Variants in NREP observed in about 807,000 individuals in gnomAD.
NREP encodes the protein neuronal regeneration-related protein.
A neutral mutation model predicts 8.6 loss-of-function variants in NREP; 5 were observed. The ratio of observed to expected loss-of-function variants is 0.58; its 90% CI spans 0.30 to 1.22. The LOEUF (loss-of-function observed/expected upper bound fraction) is 1.22, where lower values mean the gene tolerates loss of function less well. NREP is among the 50% of genes most tolerant of loss of function. The pLI is 0.07. For synonymous variants in NREP, 27 were observed against 28.0 expected (o/e 0.96, Z 0.11); for missense variants, 86 against 82.5 (o/e 1.04, Z -0.17).
At chr5:111,953,492 T>C (rs1324944277) in intron 2 of NREP, among the ~76,000 whole-genome samples, 1 of 152,164 alleles carries the variant, frequency 6.6e-6, no homozygotes, top group Non-Finnish European at 1.5e-5. Context: ...CAAAAACTTC[T>C]TTCCAACTTT....
At chr5:111,918,107 G>T (rs897860412) in intron 2 of NREP, among the ~76,000 whole-genome samples, 1 of 151,970 alleles carries the variant, frequency 6.6e-6, no homozygotes, top group Admixed American at 6.6e-5. Flanking sequence ...TGCCATTCAC[G>T]ATTGCTACAA....
chr5:111,785,519 C>G (rs1325486250), intron 2 of NREP, among the ~76,000 whole-genome samples: 1 of 152,146 alleles, frequency 6.6e-6, no homozygotes, highest in Non-Finnish European at 1.5e-5. Flanking sequence ...GCCTCATGAT[C>G]TGCCTGCCTC....
At chr5:111,942,085 A>G (rs1009776042) in intron 2 of NREP, among the ~76,000 whole-genome samples, 3 of 152,026 alleles carry the variant, frequency 2.0e-5, no homozygotes, top group African/African-American at 7.2e-5. Flanking sequence ...ATGAGACATC[A>G]TTTTATTACC....
At chr5:111,782,004 A>G (rs962287908) in intron 2 of NREP, among the ~76,000 whole-genome samples, 3 of 152,216 alleles carry the variant, frequency 2.0e-5, no homozygotes, top group Admixed American at 2.0e-4. Flanking sequence ...AATTATGTTT[A>G]TAATGATAAG....
intron 2 of NREP, among the ~76,000 whole-genome samples, chr5:111,824,228 G>T (rs1752571533): frequency 6.6e-6 from 1 of 152,154 alleles, no homozygotes; most frequent in Non-Finnish European, 1.5e-5. Flanking sequence ...AATTAGCCTG[G>T]CGTAGTGGTG....
intron 2 of NREP, among the ~76,000 whole-genome samples, chr5:111,845,865 A>G (rs551752738): frequency 6.3e-4 from 95 of 151,956 alleles, no homozygotes; most frequent in African/African-American, 2.1e-3. Flanking sequence ...ACCAAAAAAA[A>G]AAAAGAAAAG....
intron 2 of NREP, among the ~76,000 whole-genome samples, chr5:111,877,100 C>T (rs1374290764): frequency 1.3e-5 from 2 of 152,102 alleles, no homozygotes; most frequent in East Asian, 1.9e-4. Context: ...TTCTGGTTAC[C>T]GGTATAACAA....
At chr5:111,835,723 G>T (rs1261602201) in intron 2 of NREP, among the ~76,000 whole-genome samples, 1 of 152,078 alleles carries the variant, frequency 6.6e-6, no homozygotes, top group Non-Finnish European at 1.5e-5. Flanking sequence ...TGGTTTGTGG[G>T]TTTAAGACTT....
chr5:111,766,128 T>C (rs143942431), intron 2 of NREP, among the ~76,000 whole-genome samples: 2 of 152,348 alleles, frequency 1.3e-5, no homozygotes, highest in African/African-American at 4.8e-5. Flanking sequence ...TTGATTTCAG[T>C]GTTGCATATA....
chr5:111,820,892 G>A (rs1253478523), intron 2 of NREP, among the ~76,000 whole-genome samples: 1 of 152,130 alleles, frequency 6.6e-6, no homozygotes, highest in East Asian at 1.9e-4. Flanking sequence ...AATCCTATAA[G>A]TATATTTTAG....
intron 2 of NREP, among the ~76,000 whole-genome samples, chr5:111,876,238 T>C (rs1753905749): frequency 6.6e-6 from 1 of 152,192 alleles, no homozygotes; most frequent in Admixed American, 6.5e-5. Flanking sequence ...GCTCAATTTT[T>C]CAGGCTGCTT....
chr5:111,728,868 G>A (rs1372673286), downstream of NREP: 1 of 152,088 alleles, frequency 6.6e-6, no homozygotes, highest in African/African-American at 2.4e-5. Flanking sequence ...CTGAGGAAAA[G>A]TGCACATATT....
At chr5:111,819,207 T>C (rs1014703195) in intron 2 of NREP, among the ~76,000 whole-genome samples, 7 of 152,192 alleles carry the variant, frequency 4.6e-5, no homozygotes, top group Admixed American at 3.3e-4. Flanking sequence ...CCTGGTCACC[T>C]GCTCTGACCT....
chr5:111,936,999 C>T (rs624694), intron 2 of NREP, among the ~76,000 whole-genome samples: 76,879 of 151,814 alleles, frequency 0.51, 20,434 homozygotes, highest in South Asian at 0.67. Flanking sequence ...TCCTTCACTA[C>T]GGTCCAGCAT....
At chr5:111,948,243 C>A (rs567933381) in intron 2 of NREP, among the ~76,000 whole-genome samples, 13 of 152,068 alleles carry the variant, frequency 8.5e-5, no homozygotes, top group Non-Finnish European at 1.5e-4. Context: ...ACGTGTTCCA[C>A]ATTTTTGGAC....
chr5:111,846,234 T>A (rs1172677817), intron 2 of NREP: 1 of 184,162 alleles, frequency 5.4e-6, no homozygotes, highest in Non-Finnish European at 1.1e-5. Flanking sequence ...CCTCTGGATT[T>A]ATAAGAAGGG....
At chr5:111,941,425 C>T (rs1755826021) in intron 2 of NREP, among the ~76,000 whole-genome samples, 1 of 152,054 alleles carries the variant, frequency 6.6e-6, no homozygotes, top group African/African-American at 2.4e-5. Context: ...TTGATTTCTT[C>T]TGAGGCCTCT....
chr5:111,879,730 T>C (rs1339524101), intron 2 of NREP, among the ~76,000 whole-genome samples: 1 of 152,188 alleles, frequency 6.6e-6, no homozygotes, highest in Non-Finnish European at 1.5e-5. Flanking sequence ...AAATCCTAGA[T>C]TAAGGGGCCA....
intron 2 of NREP, among the ~76,000 whole-genome samples, chr5:111,946,598 A>T (rs1021031985): frequency 6.6e-6 from 1 of 151,978 alleles, no homozygotes; most frequent in Non-Finnish European, 1.5e-5. Context: ...TAGTAAAGTC[A>T]CATGTAAAGA....
Sources: allele counts gnomAD v4.1 joint callset (sites outside exome capture counted in the v4.1 genomes callset), GRCh38; gene constraint gnomAD v4.1.1; transcripts MANE v1.5; gene names NCBI Gene and HGNC (gene_info 2026-07-23, HGNC 2026-07-21).